FAM171A2: variants seen among roughly 807,000 people sequenced by gnomAD.
FAM171A2 encodes the protein protein FAM171A2.
A neutral mutation model predicts 34.2 loss-of-function variants in FAM171A2; 13 were observed. The observed-to-expected ratio is 0.38, with a 90% CI of 0.25 to 0.60. The LOEUF is 0.60. FAM171A2 is among the 20% of genes least tolerant of loss of function. The pLI, the probability that FAM171A2 is intolerant of heterozygous loss-of-function variation, is 0.62. For missense variants in FAM171A2, 950 were observed against 1,180.7 expected (o/e 0.80, Z 2.86); for synonymous variants, 475 against 561.2 (o/e 0.85, Z 2.17).
At position 44,358,238 on chromosome 17, in the gene FAM171A2, T is replaced by C. The variant is rs918758813; in HGVS notation, c.439+1341A>G. ...AGAGGGCGGCCCGGGCTCTGGAGGG[T>C]GCAGTCAGCTCTGAGATGGCACCTG... On this transcript the variant is annotated intron_variant, in intron 3 of 7. Coordinates refer to ENST00000293443, the MANE Select transcript of FAM171A2 (RefSeq NM_198475.3). 8.5e-5 allele frequency among the ~76,000 whole-genome samples: 13 copies of C among 152,174 alleles called. No homozygotes were observed. The East Asian group carries it at 2.3e-3, about 27-fold the overall frequency.
intron 1 of FAM171A2, among the ~76,000 whole-genome samples, 176 bp from the exon 2 acceptor site, chr17:44,360,308 C>T (rs998858627): frequency 2.0e-5 from 3 of 152,222 alleles, no homozygotes; most frequent in Non-Finnish European, 4.4e-5. Flanking sequence ...TCCTATCAGC[C>T]CATGCCGGAG....
chr17:44,360,231 T>A, intron 1 of FAM171A2, 99 bp from the exon 2 acceptor site: 1 of 1,008,952 alleles, frequency 9.9e-7, no homozygotes. Context: ...TTTGAGAGAG[T>A]CTTTTGGGCT....
Position 44,363,684 on chromosome 17 carries a change from C to A in FAM171A2, c.31G>T (p.Ala11Ser). The part of the protein sequence containing the change: MPPASGPSVL[A>S]RLLPLLGLLL... ...AGCCCCAGCAGCGGCAACAGCCGCG[C>A]GAGGACGCTGGGGCCACTCGCCGGC... The change falls in exon 1 of 8, where the codon GCG becomes TCG. Residue 11 changes from alanine (A) to serine (S), a missense_variant. This residue lies in a region of FAM171A2 where 752 missense variants were observed against 924.5 expected (regional missense o/e 0.81). Transcript: ENST00000293443. 8.2e-7 allele frequency: 1 copy of A among 1,223,336 alleles called. No homozygotes were observed. Among genetic ancestry groups the A allele is most frequent in the Non-Finnish European group, 1.0e-6 (1 of 982,186 alleles). 75.8% of individuals were successfully genotyped at this position (1,223,336 alleles called of 1,614,324 possible). A position where few individuals can be genotyped will look rare whatever the true frequency, so the allele number is the denominator to read the frequency against.
chr17:44,353,631 C>G lies in FAM171A2; in HGVS notation c.*102G>C. 3.2e-6 allele frequency: 3 copies of G among 946,104 alleles called. No homozygotes were observed. The highest frequency in any genetic ancestry group is 4.1e-5 in the East Asian group (1 of 24,348). 58.6% of individuals were successfully genotyped at this position (946,104 alleles called of 1,614,324 possible). On this transcript the variant is annotated 3_prime_UTR_variant, in exon 8 of 8. Coordinates refer to ENST00000293443, the MANE Select transcript of FAM171A2 (RefSeq NM_198475.3). Reference sequence around the variant, plus strand: ...CAAGGCCCCTGGGCCCCTCTCCGGCCTGGGGCTGGGAGCTACGCGCGAGGG... The same window carrying G: ...CAAGGCCCCTGGGCCCCTCTCCGGCGTGGGGCTGGGAGCTACGCGCGAGGG...
chr17:44,356,670 A>G, intron 3 of FAM171A2, 82 bp from the exon 4 acceptor site: 1 of 1,420,970 alleles, frequency 7.0e-7, no homozygotes. Flanking sequence ...TATCTAAGGA[A>G]AAGGGGGACA....
chr17:44,363,225 A>AG (rs1434397142), intron 1 of FAM171A2, among the ~76,000 whole-genome samples: 1 of 151,804 alleles, frequency 6.6e-6, no homozygotes, highest in African/African-American at 2.4e-5. Flanking sequence ...AGCAACCCGC[A>AG]GGGGGCTGCG....
chr17:44,360,205 A>G, intron 1 of FAM171A2, 73 bp from the exon 2 acceptor site: 1 of 1,271,004 alleles, frequency 7.9e-7, no homozygotes, highest in African/African-American at 1.5e-5. Flanking sequence ...CCCCAAGATC[A>G]GAGGAAGGAG....
chr17:44,354,067 G>A lies in FAM171A2; in HGVS notation c.2147C>T (p.Pro716Leu). 2 of 1,111,116 alleles carry A rather than the reference G, an allele frequency of 1.8e-6. No homozygotes were observed. The highest frequency in any genetic ancestry group is 2.2e-6 in the Non-Finnish European group (2 of 911,740). 68.8% of individuals were successfully genotyped at this position (1,111,116 alleles called of 1,614,324 possible). A position where few individuals can be genotyped will look rare whatever the true frequency, so the allele number is the denominator to read the frequency against. ...CAGGCGCGGGGGCGCGGGCGGCGGC[G>A]GCGGCGCGGCAGGCGGGGCGCGCTC... ...ERERAPPAAP[P>L]PPPAPPRLAL... The change falls in exon 8 of 8, where the codon CCG becomes CTG. Residue 716 changes from proline to leucine, a missense_variant. By Grantham distance (98) the Pro-to-Leu change is moderately conservative (BLOSUM62 -3). Coordinates refer to ENST00000293443, the MANE Select transcript of FAM171A2 (RefSeq NM_198475.3). This position sits in a 1 kb window ranked among gnomAD's most constrained non-coding sequence, Gnocchi z 5.8.
chr17:44,359,439 G>A (rs895453263), intron 3 of FAM171A2, 140 bp downstream of exon 3: 59 of 674,814 alleles, frequency 8.7e-5, no homozygotes, highest in African/African-American at 5.4e-4. Flanking sequence ...AACCTTCCAC[G>A]TCTTACAAAT....
rs1567890876 is a variant in FAM171A2, at chr17:44,355,363, CAG to C, written c.1023-174_1023-173del. 6.6e-6 allele frequency among the ~76,000 whole-genome samples: 1 copy of C among 152,214 alleles called. No homozygotes were observed. The highest frequency in any genetic ancestry group is 6.5e-5 in the Admixed American group (1 of 15,292). ...CGCCGTGTCCGTTTGGCGATCCCCT[CAG>C]GGTCAACTCTGCACTCCTCTGCATG... On this transcript the variant is annotated intron_variant, in intron 7 of 7. Coordinates refer to ENST00000293443, the MANE Select transcript of FAM171A2 (RefSeq NM_198475.3). This position sits in a 1 kb window ranked among gnomAD's most constrained non-coding sequence, Gnocchi z 4.1.
intron 1 of FAM171A2, among the ~76,000 whole-genome samples, chr17:44,361,963 A>C (rs1459598643): frequency 6.6e-6 from 1 of 151,170 alleles, no homozygotes; most frequent in Non-Finnish European, 1.5e-5. Context: ...GCAGCTGGGG[A>C]GAGGGATCCC....
Position 44,356,316 on chromosome 17 carries a change from G to A in FAM171A2, c.635C>T (p.Ala212Val), listed in dbSNP as rs1271039026. Residue 212 changes from alanine to valine, a missense_variant, in exon 5 of 8, where the codon GCT (alanine) becomes GTT (valine). Physicochemically the swap from Ala to Val is moderately conservative, Grantham distance 64. This residue lies in a region of FAM171A2 where 752 missense variants were observed against 924.5 expected (regional missense o/e 0.81). Transcript: ENST00000293443. ...ACCTGTCAGCAGGTGCACGCTCACA[G>A]CAGTCAGGGGCATCAGCTCCAGCCA... ...GSWLELMPLTAVSVHLLTGNG... is the reference protein window; with the variant it reads ...GSWLELMPLTVVSVHLLTGNG... 1.9e-6 allele frequency: 3 copies of A among 1,549,126 alleles called. No individual in the cohort carries two copies. The highest frequency in any genetic ancestry group is 3.4e-4 in the Middle Eastern group (2 of 5,952).
In FAM171A2 at chr17:44,353,706, G is replaced by A. The variant is rs1160526826; in HGVS notation, c.*27C>T. The A allele has an allele frequency of 4.6e-6, 6 of 1,293,952 alleles. No homozygotes were observed. The highest frequency in any genetic ancestry group is 2.1e-5 in the South Asian group (1 of 47,392). 80.2% of individuals were successfully genotyped at this position (1,293,952 alleles called of 1,614,324 possible). A position where few individuals can be genotyped will look rare whatever the true frequency, so the allele number is the denominator to read the frequency against. On this transcript the variant is annotated 3_prime_UTR_variant, in exon 8 of 8. Coordinates refer to ENST00000293443, the MANE Select transcript of FAM171A2 (RefSeq NM_198475.3). ...ACCCTGGGTGCGGGCCCGCGCGGGA[G>A]GGGCGGTGCCAGGCCCTGCGCGGGC... is the stretch of plus-strand genomic sequence containing the variant.
chr17:44,354,360 G>T lies in FAM171A2; in HGVS notation c.1854C>A (p.Ile618=), dbSNP rs1177450431. 7.3e-7 allele frequency: 1 copy of T among 1,373,664 alleles called. No homozygotes were observed. The highest frequency in any genetic ancestry group is 9.6e-7 in the Non-Finnish European group (1 of 1,047,056). The allele number at this position is 1,373,664 out of a possible 1,614,324, so 85.1% of individuals were successfully genotyped here. ...TGGTGGACTCGTTGAATAGCACAGGGATGGTGACTGAGCCACTGACGGGCG... is the reference window on the plus strand; with the variant it reads ...TGGTGGACTCGTTGAATAGCACAGGTATGGTGACTGAGCCACTGACGGGCG... ...RAAPVSGSVT[I]PVLFNESTMA... Residue 618 remains isoleucine (I), a synonymous_variant, in exon 8 of 8, where the codon ATC becomes ATA. Transcript: ENST00000293443. The surrounding 1 kb of genome is among the most constrained non-coding windows in gnomAD (Gnocchi z 5.8).
In FAM171A2 at chr17:44,359,316, TGGA is replaced by T; in HGVS notation, c.439+260_439+262del. On this transcript the variant is annotated intron_variant, in intron 3 of 7. Coordinates refer to ENST00000293443, the MANE Select transcript of FAM171A2 (RefSeq NM_198475.3). ...AGGTGGCAGGGAAGGTAGGAATAGA[TGGA>T]GAATAGAAACCACGAGAAGCCCCGA... 8.2e-6 allele frequency: 4 copies of T among 489,928 alleles called. No individual in the cohort carries two copies. The South Asian group carries it at 9.2e-5, about 11-fold the overall frequency. 30.3% of individuals were successfully genotyped at this position (489,928 alleles called of 1,614,324 possible). A position where few individuals can be genotyped will look rare whatever the true frequency, so the allele number is the denominator to read the frequency against.
At position 44,356,168 on chromosome 17, in the gene FAM171A2, C is replaced by G. The variant is rs1246951353; in HGVS notation, c.778+5G>C. 1 of 1,542,186 alleles carries G rather than the reference C, an allele frequency of 6.5e-7. No individual in the cohort carries two copies. Among genetic ancestry groups the G allele is most frequent in the Non-Finnish European group, 8.8e-7 (1 of 1,140,122 alleles). ...CAAGCACCTGCAGCCCCCTGAGGCA[C>G]TTACCACTCTTGGGGTCAAATCTCC... On this transcript the variant is annotated splice_donor_5th_base_variant and intron_variant, in intron 5 of 7. Coordinates refer to ENST00000293443, the MANE Select transcript of FAM171A2 (RefSeq NM_198475.3).
chr17:44,354,185 C>A lies in FAM171A2; in HGVS notation c.2029G>T (p.Gly677Cys), dbSNP rs979013688. ...CTGGCGTCGGTGCTGCGTGCCCCGC[C>A]GCCCGCCTGCAGGTCGATGTAAGAG... Reference protein sequence around the residue: ...RHSYIDLQAGGGARSTDASLD... With the variant: ...RHSYIDLQAGCGARSTDASLD... The change falls in exon 8 of 8, where the codon GGC becomes TGC. Residue 677 changes from glycine (G) to cysteine (C), a missense_variant. Physicochemically the swap from Gly to Cys is radical, Grantham distance 159. Transcript: ENST00000293443. This position sits in a 1 kb window ranked among gnomAD's most constrained non-coding sequence, Gnocchi z 5.8. 2 of 1,368,322 alleles carry A rather than the reference C, an allele frequency of 1.5e-6. No individual in the cohort carries two copies. Among genetic ancestry groups the A allele is most frequent in the Non-Finnish European group, 9.5e-7 (1 of 1,050,098 alleles). The allele number at this position is 1,368,322 out of a possible 1,614,324, so 84.8% of individuals were successfully genotyped here.
Position 44,353,887 on chromosome 17 carries a change from TCC to T in FAM171A2, c.2325_2326del (p.Asp776GlnfsTer81). ...CTCGCTGGCGCTGCTGCGGGAGCTG[TCC>T]CCGCGGCTGCGGCCCCGCCCCCGGG... On this transcript the variant is annotated frameshift_variant, in exon 8 of 8. Transcript: ENST00000293443. LOFTEE classifies it low-confidence loss of function (END_TRUNC). 1 of 1,313,622 alleles carries T rather than the reference TCC, an allele frequency of 7.6e-7. No homozygotes were observed. Among genetic ancestry groups the T allele is most frequent in the South Asian group, 2.0e-5 (1 of 49,940 alleles). The allele number at this position is 1,313,622 out of a possible 1,614,324, so 81.4% of individuals were successfully genotyped here.
In FAM171A2 at chr17:44,355,265, G is replaced by A; in HGVS notation, c.1023-74C>T. ...AAGTAGGCCCCGAACCCCCTTAGATGCAAGACAAGAGACGAATATAGTGGA... is the reference window on the plus strand; with the variant it reads ...AAGTAGGCCCCGAACCCCCTTAGATACAAGACAAGAGACGAATATAGTGGA... On this transcript the variant is annotated intron_variant, in intron 7 of 7. Coordinates refer to ENST00000293443, the MANE Select transcript of FAM171A2 (RefSeq NM_198475.3). This position sits in a 1 kb window ranked among gnomAD's most constrained non-coding sequence, Gnocchi z 4.1. 1 of 1,516,594 alleles carries A rather than the reference G, an allele frequency of 6.6e-7. No individual in the cohort carries two copies. The highest frequency in any genetic ancestry group is 8.8e-7 in the Non-Finnish European group (1 of 1,135,014). 93.9% of individuals were successfully genotyped at this position (1,516,594 alleles called of 1,614,324 possible). A position where few individuals can be genotyped will look rare whatever the true frequency, so the allele number is the denominator to read the frequency against.
Sources: allele counts gnomAD v4.1 joint callset (sites outside exome capture counted in the v4.1 genomes callset), GRCh38; gene constraint gnomAD v4.1.1; regional missense constraint gnomAD v4.1.1; non-coding constraint Gnocchi (gnomAD v3.1); transcripts MANE v1.5; gene names NCBI Gene and HGNC (gene_info 2026-07-23, HGNC 2026-07-21).